AMMECR1: variants seen among roughly 807,000 people sequenced by gnomAD.
AMMECR1 encodes the protein AMMECR nuclear protein 1, also known as nuclear protein AMMECR1.
Under a neutral mutation model 22.5 loss-of-function variants are expected in AMMECR1, and 3 were observed. The ratio of observed to expected loss-of-function variants is 0.13; its 90% CI spans 0.06 to 0.35. The LOEUF (loss-of-function observed/expected upper bound fraction) is 0.35. Ranked by LOEUF, AMMECR1 falls within the 10% of genes least tolerant of loss-of-function variation. The pLI, the probability that AMMECR1 is intolerant of heterozygous loss-of-function variation, is 1.00. For synonymous variants in AMMECR1, 130 were observed against 116.7 expected (o/e 1.11, Z -0.74); for missense variants, 235 against 278.7 (o/e 0.84, Z 1.12).
chrX:110,405,874 TCAAA>T (rs2068597560), intron 2 of AMMECR1, among the ~76,000 whole-genome samples: 1 of 111,667 alleles, frequency 9.0e-6, no homozygotes, highest in African/African-American at 3.3e-5. Context: ...CCTTGTAAAG[TCAAA>T]CAGTCTCTTT....
chrX:110,414,464 C>T (rs1218723568), intron 2 of AMMECR1, among the ~76,000 whole-genome samples: 2 of 112,563 alleles, frequency 1.8e-5, no homozygotes, highest in African/African-American at 6.5e-5. Context: ...CTTCTAGGTA[C>T]CAGCCACTGT....
chrX:110,298,881 A>G (rs770017664), intron 1 of AMMECR1, among the ~76,000 whole-genome samples: 41 of 112,277 alleles, frequency 3.7e-4, no homozygotes, highest in African/African-American at 1.2e-3. Context: ...ATAAACATAT[A>G]TAACACAATA....
chrX:110,302,446 A>C (rs1224345715), intron 1 of AMMECR1, among the ~76,000 whole-genome samples: 1 of 112,139 alleles, frequency 8.9e-6, no homozygotes, highest in African/African-American at 3.2e-5. Context: ...TTTGCTAGTG[A>C]TAAACATTGC....
At chrX:110,259,536 A>G (rs895418021) in intron 2 of AMMECR1, among the ~76,000 whole-genome samples, 1 of 110,634 alleles carries the variant, frequency 9.0e-6, no homozygotes, top group Non-Finnish European at 1.9e-5. Context: ...AAAGAAATAG[A>G]TCTGCATTTT....
chrX:110,343,689 C>T (rs781006060), intron 2 of AMMECR1, among the ~76,000 whole-genome samples: 61 of 110,935 alleles, frequency 5.5e-4, no homozygotes, highest in Non-Finnish European at 1.0e-3. Flanking sequence ...AGCATTCTTA[C>T]ACACCAATAA....
intron 2 of AMMECR1, among the ~76,000 whole-genome samples, chrX:110,230,733 C>T (rs771227915): frequency 9.8e-5 from 11 of 111,677 alleles, no homozygotes; most frequent in African/African-American, 2.9e-4. Flanking sequence ...CAAACTTCTA[C>T]GAGCTGAAGG....
intron 2 of AMMECR1, among the ~76,000 whole-genome samples, chrX:110,389,657 T>G (rs973588959): frequency 9.0e-6 from 1 of 110,695 alleles, no homozygotes; most frequent in African/African-American, 3.3e-5. Flanking sequence ...GTATTCAACC[T>G]TCAAAGCCAG....
intron 2 of AMMECR1, among the ~76,000 whole-genome samples, chrX:110,244,103 C>T (rs2067646574): frequency 8.9e-6 from 1 of 111,794 alleles, no homozygotes; most frequent in African/African-American, 3.3e-5. Flanking sequence ...AAGCCATCTT[C>T]AACTCTTCCC....
intron 2 of AMMECR1, among the ~76,000 whole-genome samples, chrX:110,332,587 T>A (rs2068125048): frequency 8.9e-6 from 1 of 112,077 alleles, no homozygotes; most frequent in South Asian, 3.7e-4. Flanking sequence ...TCCTTGTTGT[T>A]GTAGATTTTT....
chrX:110,387,914 T>G, intron 2 of AMMECR1, among the ~76,000 whole-genome samples: 1 of 98,126 alleles, frequency 1.0e-5, no homozygotes, highest in African/African-American at 3.9e-5. Context: ...CAGGCTGGAG[T>G]GCGGTGGTGC....
At chrX:110,266,120 T>A (rs1440433837) in intron 1 of AMMECR1, among the ~76,000 whole-genome samples, 1 of 110,201 alleles carries the variant, frequency 9.1e-6, no homozygotes, top group Non-Finnish European at 1.9e-5. Context: ...GTTTTTTTTT[T>A]TTTTTGCTTT....
intron 2 of AMMECR1, among the ~76,000 whole-genome samples, chrX:110,371,735 G>C (rs2068340297): frequency 9.0e-6 from 1 of 111,058 alleles, no homozygotes; most frequent in Admixed American, 9.5e-5. Flanking sequence ...GATCTGCTGT[G>C]AGCCACAGAC....
At chrX:110,295,171 A>G (rs766890554) in intron 1 of AMMECR1, among the ~76,000 whole-genome samples, 3 of 111,941 alleles carry the variant, frequency 2.7e-5, no homozygotes, top group African/African-American at 9.7e-5. Context: ...GATACTTCAC[A>G]TTAGACTGAA....
At chrX:110,248,308 C>A (rs2067669586) in intron 2 of AMMECR1, among the ~76,000 whole-genome samples, 2 of 110,590 alleles carry the variant, frequency 1.8e-5, no homozygotes, top group African/African-American at 6.6e-5. Flanking sequence ...ATTCCTTGAG[C>A]CTGGGAGGTT....
At chrX:110,318,148 G>C (rs2068062506), upstream of AMMECR1, 2 of 917,407 alleles carry the variant, frequency 2.2e-6, no homozygotes, top group Non-Finnish European at 2.7e-6. Flanking sequence ...GCACGCTGCG[G>C]CTCAGGCCGC....
chrX:110,202,818 G>A (rs1243461264), intron 3 of AMMECR1, among the ~76,000 whole-genome samples: 3 of 111,140 alleles, frequency 2.7e-5, no homozygotes, highest in African/African-American at 6.5e-5. Context: ...AGAATAAGAC[G>A]GTTGATGGCA....
intron 2 of AMMECR1, among the ~76,000 whole-genome samples, chrX:110,393,168 T>A (rs1193563818): frequency 9.0e-6 from 1 of 111,534 alleles, no homozygotes; most frequent in African/African-American, 3.3e-5. Context: ...GAAGTCCAAC[T>A]ACATGGGTTC....
At chrX:110,381,454 A>G (rs954080768) in intron 2 of AMMECR1, among the ~76,000 whole-genome samples, 1 of 111,814 alleles carries the variant, frequency 8.9e-6, no homozygotes, top group Non-Finnish European at 1.9e-5. Context: ...GTGAAAAGGG[A>G]ATGTGTATAC....
At chrX:110,295,223 AAG>A (rs1443766569) in intron 1 of AMMECR1, among the ~76,000 whole-genome samples, 1 of 111,615 alleles carries the variant, frequency 9.0e-6, no homozygotes, top group Non-Finnish European at 1.9e-5. Flanking sequence ...GGGAAGCTCA[AAG>A]AGACTTTTAA....
Sources: allele counts gnomAD v4.1 joint callset (sites outside exome capture counted in the v4.1 genomes callset), GRCh38; gene constraint gnomAD v4.1.1; transcripts MANE v1.5; gene names NCBI Gene and HGNC (gene_info 2026-07-23, HGNC 2026-07-21).